KIAA1328: variants seen among roughly 807,000 people sequenced by gnomAD.
The protein encoded by KIAA1328 is protein hinderin.
KIAA1328 carries 52 observed loss-of-function variants against 68.1 expected under a neutral mutation model. The observed-to-expected ratio is 0.76, with a 90% CI of 0.61 to 0.96. The LOEUF is 0.96. Among genes scored for constraint, KIAA1328 ranks in the 40% least tolerant of loss-of-function variants. The pLI is 0.00. For missense variants in KIAA1328, 641 were observed against 677.6 expected (o/e 0.95, Z 0.60); for synonymous variants, 232 against 239.4 (o/e 0.97, Z 0.28).
At chr18:37,164,160 G>A (rs1416957385) in intron 8 of KIAA1328, among the ~76,000 whole-genome samples, 3 of 152,148 alleles carry the variant, frequency 2.0e-5, no homozygotes, top group Non-Finnish European at 4.4e-5. Flanking sequence ...CAGAATATAA[G>A]TTCCATATGT....
At chr18:37,160,079 A>G in intron 7 of KIAA1328, 121 bp from the exon 8 acceptor site, 2 of 693,704 alleles carry the variant, frequency 2.9e-6, no homozygotes, top group South Asian at 3.8e-5. Context: ...ATACCTCAAT[A>G]AAAGGTAAGA....
rs58707237 is a variant in KIAA1328, at chr18:36,883,952, GTATATA to G, written c.333-1592_333-1587del. Among the ~76,000 whole-genome samples the G allele has an allele frequency of 4.1e-4, 50 of 120,820 alleles. 3 individuals are homozygous for G. Among genetic ancestry groups the G allele is most frequent in the African/African-American group, 1.4e-3 (41 of 30,366 alleles). The allele number at this position is 120,820 out of a possible 152,430, so 79.3% of individuals were successfully genotyped here. ...TACAAATGCTTTCCATATTTATAAAGTATATATATATATATATACACACACAGTGTC... is the reference window on the plus strand; with the variant it reads ...TACAAATGCTTTCCATATTTATAAAGTATATATATATACACACACAGTGTC... On this transcript the variant is annotated intron_variant, in intron 4 of 9. Coordinates refer to ENST00000280020, the MANE Select transcript of KIAA1328 (RefSeq NM_020776.3).
chr18:37,089,575 G>A (rs780461668), intron 7 of KIAA1328, among the ~76,000 whole-genome samples: 10 of 151,822 alleles, frequency 6.6e-5, no homozygotes, highest in Non-Finnish European at 1.0e-4. Flanking sequence ...GTGTTTCACC[G>A]TGTTGGTCAG....
At chr18:37,193,729 G>A in intron 9 of KIAA1328, 2 of 641,888 alleles carry the variant, frequency 3.1e-6, no homozygotes, top group Non-Finnish European at 5.6e-6. Context: ...ATACTCACTT[G>A]TGAGAAACAG....
chr18:37,218,561 T>C (rs2060493364), intron 9 of KIAA1328, among the ~76,000 whole-genome samples: 1 of 152,214 alleles, frequency 6.6e-6, no homozygotes, highest in Non-Finnish European at 1.5e-5. Context: ...ACACATTCAT[T>C]TGATCTTCAG....
At chr18:37,112,107 T>G (rs764909656) in intron 7 of KIAA1328, among the ~76,000 whole-genome samples, 26 of 152,296 alleles carry the variant, frequency 1.7e-4, no homozygotes, top group Middle Eastern at 6.8e-3. Context: ...AAGGCATAGC[T>G]GAACAAAAGG....
intron 9 of KIAA1328, among the ~76,000 whole-genome samples, chr18:37,208,436 G>A (rs577221923): frequency 2.0e-5 from 3 of 152,204 alleles, no homozygotes; most frequent in Admixed American, 6.5e-5. Flanking sequence ...TTGACTGAGT[G>A]TCATTCTTGT....
Position 37,103,803 on chromosome 18 carries a change from TACACACAC to T in KIAA1328, c.1232+36287_1232+36294del, listed in dbSNP as rs60337954. On this transcript the variant is annotated intron_variant, in intron 7 of 9. Coordinates refer to ENST00000280020, the MANE Select transcript of KIAA1328 (RefSeq NM_020776.3). ...ACACAAGGAATAGTTCAATAGCAAA[TACACACAC>T]ACACACACACACACACACACACACA... Among the ~76,000 whole-genome samples, 854 of 145,750 alleles carry T rather than the reference TACACACAC, an allele frequency of 5.9e-3. 6 individuals are homozygous for T. Among genetic ancestry groups the T allele is most frequent in the African/African-American group, 0.019 (744 of 39,844 alleles).
intron 9 of KIAA1328, among the ~76,000 whole-genome samples, chr18:37,213,165 A>G (rs1338376760): frequency 1.3e-5 from 2 of 152,158 alleles, no homozygotes; most frequent in Non-Finnish European, 2.9e-5. Context: ...TTTTATTTTT[A>G]TACTTTAAGT....
intron 6 of KIAA1328, among the ~76,000 whole-genome samples, chr18:37,045,735 T>G (rs1331136982): frequency 1.3e-5 from 2 of 152,204 alleles, no homozygotes; most frequent in Non-Finnish European, 2.9e-5. Context: ...TCCTTTTACA[T>G]GTACTGTTTG....
chr18:36,865,541 G>A (rs955877383), intron 4 of KIAA1328, among the ~76,000 whole-genome samples: 2 of 152,130 alleles, frequency 1.3e-5, no homozygotes, highest in African/African-American at 2.4e-5. Flanking sequence ...CGAGAGATCT[G>A]CTTCCTGTTA....
intron 7 of KIAA1328, among the ~76,000 whole-genome samples, chr18:37,114,145 T>C (rs1036702203): frequency 3.9e-5 from 6 of 152,212 alleles, no homozygotes; most frequent in Non-Finnish European, 8.8e-5. Context: ...AACTCAGCTC[T>C]GCATCAAGCA....
chr18:36,961,387 A>G (rs1052450167), intron 6 of KIAA1328, among the ~76,000 whole-genome samples: 2 of 152,118 alleles, frequency 1.3e-5, no homozygotes, highest in African/African-American at 2.4e-5. Context: ...GCTGGAAAAC[A>G]CTCTTCAGGA....
Position 37,029,010 on chromosome 18 carries a change from G to A in KIAA1328, c.577-37880G>A, listed in dbSNP as rs183195858. ...TGTTGTGTCTCTGCCAGATTTTGGC[G>A]TCAGAATTATATTAGCCTTATAGAA... is the stretch of plus-strand genomic sequence containing the variant. On this transcript the variant is annotated intron_variant, in intron 6 of 9. Coordinates refer to ENST00000280020, the MANE Select transcript of KIAA1328 (RefSeq NM_020776.3). 1.1e-4 allele frequency among the ~76,000 whole-genome samples: 16 copies of A among 152,110 alleles called. No homozygotes were observed. The East Asian group carries it at 1.9e-3, about 18-fold the overall frequency.
At chr18:37,186,949 G>A (rs1173851107) in intron 9 of KIAA1328, among the ~76,000 whole-genome samples, 4 of 152,256 alleles carry the variant, frequency 2.6e-5, no homozygotes, top group East Asian at 3.9e-4. Context: ...CAAGGTTGGC[G>A]GATCACCTGA....
chr18:36,916,909 C>T (rs2049725534), intron 5 of KIAA1328, among the ~76,000 whole-genome samples: 1 of 151,826 alleles, frequency 6.6e-6, no homozygotes. Flanking sequence ...CCACTGTACC[C>T]AGCTCACTTC....
chr18:37,020,698 A>G (rs2054314184), intron 6 of KIAA1328, among the ~76,000 whole-genome samples: 1 of 152,136 alleles, frequency 6.6e-6, no homozygotes, highest in Admixed American at 6.5e-5. Flanking sequence ...AAATGCAAAC[A>G]TTGCTTTCCA....
chr18:37,211,640 T>C (rs1215854023), intron 9 of KIAA1328, among the ~76,000 whole-genome samples: 1 of 152,208 alleles, frequency 6.6e-6, no homozygotes, highest in Non-Finnish European at 1.5e-5. Context: ...GCCATTGGAA[T>C]TCTGAAGGTA....
intron 6 of KIAA1328, among the ~76,000 whole-genome samples, chr18:37,058,483 C>T (rs901792981): frequency 6.6e-6 from 1 of 152,088 alleles, no homozygotes; most frequent in Admixed American, 6.5e-5. Flanking sequence ...GAGGCCAAGG[C>T]AGGTGGGTTG....
Sources: allele counts gnomAD v4.1 joint callset (sites outside exome capture counted in the v4.1 genomes callset), GRCh38; gene constraint gnomAD v4.1.1; transcripts MANE v1.5; gene names NCBI Gene and HGNC (gene_info 2026-07-23, HGNC 2026-07-21).